XIRP2: variants seen among roughly 807,000 people sequenced by gnomAD.
The protein encoded by XIRP2 is xin actin binding repeat containing 2.
XIRP2 carries 236 observed loss-of-function variants against 277.0 expected under a neutral mutation model. The ratio of observed to expected loss-of-function variants is 0.85; its 90% confidence interval spans 0.77 to 0.95. The LOEUF (loss-of-function observed/expected upper bound fraction) is 0.95, where lower values mean the gene tolerates loss of function less well. Ranked by LOEUF, XIRP2 falls within the 40% of genes least tolerant of loss-of-function variation. XIRP2 has a pLI of 0.00. For synonymous variants in XIRP2, 1,490 were observed against 1,416.5 expected, an observed-to-expected ratio of 1.05 and a Z score of -1.17; for missense variants, 4,640 against 4,157.5, an observed-to-expected ratio of 1.12 and a Z score of -3.19.
chr2:167,014,239 T>A (rs1398683256), intron 2 of XIRP2, among the ~76,000 whole-genome samples: 1 of 151,482 alleles, frequency 6.6e-6, no homozygotes, highest in Non-Finnish European at 1.5e-5. Flanking sequence ...CAAAAATTAC[T>A]AGACACACAG....
intron 3 of XIRP2, among the ~76,000 whole-genome samples, chr2:167,186,444 G>A (rs969230541): frequency 6.6e-6 from 1 of 152,128 alleles, no homozygotes; most frequent in African/African-American, 2.4e-5. Flanking sequence ...AAGCCAAAGG[G>A]CAATTTCCTT....
chr2:166,977,901 C>T (rs1309720939), intron 2 of XIRP2, among the ~76,000 whole-genome samples: 1 of 152,128 alleles, frequency 6.6e-6, no homozygotes. Flanking sequence ...TAGCTTTAAA[C>T]TTACATATTC....
chr2:167,152,583 AT>A (rs1395359536), intron 3 of XIRP2, among the ~76,000 whole-genome samples: 1 of 152,134 alleles, frequency 6.6e-6, no homozygotes, highest in East Asian at 1.9e-4. Context: ...AAAGAAAAAA[AT>A]ATTTACTATC....
At position 167,245,174 on chromosome 2, in the gene XIRP2, T is replaced by G; in HGVS notation, c.3782T>G (p.Val1261Gly). 1.2e-6 allele frequency: 2 copies of G among 1,613,490 alleles called. No homozygotes were observed. Among genetic ancestry groups the G allele is most frequent in the Non-Finnish European group, 1.7e-6 (2 of 1,179,690 alleles). Residue 1261 changes from valine (V) to glycine (G), a missense_variant, in exon 9 of 11, where the codon GTT (valine) becomes GGT (glycine). Physicochemically the swap from Val to Gly is moderately radical, Grantham distance 109. Coordinates refer to ENST00000409195, the MANE Select transcript of XIRP2 (RefSeq NM_152381.6). ...IKESQEGDEC[V>G]KTVTDIQGGD... ...GAAAGCCAAGAAGGTGATGAATGTG[T>G]TAAGACGGTGACAGACATACAAGGT...
chr2:167,029,105 A>G (rs1357362078), intron 2 of XIRP2, among the ~76,000 whole-genome samples: 2 of 152,012 alleles, frequency 1.3e-5, no homozygotes, highest in African/African-American at 4.8e-5. Flanking sequence ...CTATGACTTA[A>G]TGGTCTTAAA....
At chr2:167,071,668 C>A (rs886910730) in intron 2 of XIRP2, among the ~76,000 whole-genome samples, 3 of 152,174 alleles carry the variant, frequency 2.0e-5, no homozygotes, top group Admixed American at 2.0e-4. Flanking sequence ...ATTTTAATAG[C>A]TATTAAACTA....
intron 2 of XIRP2, among the ~76,000 whole-genome samples, chr2:167,130,773 C>T (rs943538202): frequency 6.6e-6 from 1 of 152,038 alleles, no homozygotes; most frequent in African/African-American, 2.4e-5. Flanking sequence ...TGCCCTAACC[C>T]CACTCTGCAA....
intron 1 of XIRP2, among the ~76,000 whole-genome samples, chr2:166,896,632 AC>A (rs1684250610): frequency 2.0e-5 from 3 of 152,106 alleles, no homozygotes; most frequent in Admixed American, 2.0e-4. Flanking sequence ...TTATAAAGTA[AC>A]AAAGCTATAG....
chr2:167,101,672 A>G (rs1412045591), intron 2 of XIRP2, among the ~76,000 whole-genome samples: 2 of 152,184 alleles, frequency 1.3e-5, no homozygotes, highest in Non-Finnish European at 2.9e-5. Context: ...ATGGCTGAAT[A>G]TGTACATATA....
chr2:167,077,305 A>G (rs1689597167), intron 2 of XIRP2, among the ~76,000 whole-genome samples: 1 of 152,178 alleles, frequency 6.6e-6, no homozygotes, highest in African/African-American at 2.4e-5. Context: ...TAATGGAAGT[A>G]TGTACTTATC....
At chr2:167,159,929 G>A (rs1309285091) in intron 3 of XIRP2, among the ~76,000 whole-genome samples, 2 of 152,154 alleles carry the variant, frequency 1.3e-5, no homozygotes, top group Admixed American at 6.5e-5. Flanking sequence ...TACAAAGCAA[G>A]AATAGTTAAG....
At position 167,258,814 on chromosome 2, in the gene XIRP2, T is replaced by C; in HGVS notation, c.*997T>C. The C allele has an allele frequency of 6.2e-7, 1 of 1,613,246 alleles. No homozygotes were observed. The highest frequency in any genetic ancestry group is 1.1e-5 in the South Asian group (1 of 91,044). On this transcript the variant is annotated 3_prime_UTR_variant, in exon 11 of 11. Coordinates refer to ENST00000409195, the MANE Select transcript of XIRP2 (RefSeq NM_152381.6). ...AAATTGAGAAGTTAGAAAATACATCTAGAATCTCAGAGTTACTTGGTATAT... is the reference window on the plus strand; with the variant it reads ...AAATTGAGAAGTTAGAAAATACATCCAGAATCTCAGAGTTACTTGGTATAT...
chr2:167,018,997 A>G (rs759881585), intron 2 of XIRP2, among the ~76,000 whole-genome samples: 8 of 152,004 alleles, frequency 5.3e-5, no homozygotes, highest in Non-Finnish European at 1.2e-4. Context: ...CACAGTTATA[A>G]GGATATAGTT....
At chr2:167,116,825 A>T (rs1310762609) in intron 2 of XIRP2, among the ~76,000 whole-genome samples, 1 of 152,230 alleles carries the variant, frequency 6.6e-6, no homozygotes, top group Admixed American at 6.5e-5. Flanking sequence ...TCAGCAGAAG[A>T]GTTAGATGTA....
intron 2 of XIRP2, among the ~76,000 whole-genome samples, chr2:167,041,680 A>G (rs975391919): frequency 6.6e-6 from 1 of 152,210 alleles, no homozygotes; most frequent in Admixed American, 6.5e-5. Context: ...GGAATGATGT[A>G]AAGAGACCAA....
In XIRP2 at chr2:167,122,027, A is replaced by G. The variant is rs78365573; in HGVS notation, c.409-13882A>G. Among the ~76,000 whole-genome samples, 293 of 152,256 alleles carry G rather than the reference A, an allele frequency of 1.9e-3. 9 individuals are homozygous for G. The East Asian group carries it at 0.05, about 26-fold the overall frequency. Reference sequence around the variant, plus strand: ...TGAATTATGAAACATACCATTTTCAATTTCACAGCATTCTTTCTGTTAGGA... The same window carrying G: ...TGAATTATGAAACATACCATTTTCAGTTTCACAGCATTCTTTCTGTTAGGA... On this transcript the variant is annotated intron_variant, in intron 2 of 10. Coordinates refer to ENST00000409195, the MANE Select transcript of XIRP2 (RefSeq NM_152381.6).
chr2:167,124,525 C>G (rs549078708), intron 2 of XIRP2: 1 of 152,044 alleles, frequency 6.6e-6, no homozygotes, highest in Non-Finnish European at 1.5e-5. Context: ...TTAGTAAGTA[C>G]CTGCAATGTT....
intron 2 of XIRP2, among the ~76,000 whole-genome samples, chr2:166,910,336 C>G (rs182402620): frequency 1.3e-5 from 2 of 152,086 alleles, no homozygotes; most frequent in African/African-American, 4.8e-5. Flanking sequence ...CTGGTTTAGT[C>G]TTGGGAGGGT....
Position 167,218,269 on chromosome 2 carries a change from A to G in XIRP2, c.827A>G (p.Tyr276Cys). 1 of 1,601,844 alleles carries G rather than the reference A, an allele frequency of 6.2e-7. No homozygotes were observed. Among genetic ancestry groups the G allele is most frequent in the South Asian group, 1.1e-5 (1 of 88,986 alleles). ...ITSSRNTFAQYQYQHQNRSEQ... is the reference protein window; with the variant it reads ...ITSSRNTFAQCQYQHQNRSEQ... ...TCTTCCCGTAATACCTTTGCTCAAT[A>G]CCAATATCAACATCAGAACAGATCT... The change falls in exon 5 of 11, where the codon TAC (tyrosine) becomes TGC (cysteine). Residue 276 changes from tyrosine to cysteine, a missense_variant. Transcript: ENST00000409195.
Sources: gnomAD v4.1 joint callset for allele counts (sites outside exome capture counted in the v4.1 genomes callset) on GRCh38, gnomAD v4.1.1 for gene constraint, MANE v1.5 for transcripts, NCBI Gene and HGNC (gene_info 2026-07-23, HGNC 2026-07-21) for gene names.